Variants in GRIK1 observed in about 807,000 individuals in gnomAD.
The protein encoded by GRIK1 is glutamate ionotropic receptor kainate type subunit 1.
In GRIK1, 69 loss-of-function variants were observed where a neutral mutation model predicts 105.7. The observed-to-expected ratio is 0.65, with a 90% CI of 0.54 to 0.80. The LOEUF is 0.80. Ranked by LOEUF, GRIK1 falls within the 30% of genes least tolerant of loss-of-function variation. The pLI, the probability that GRIK1 is intolerant of heterozygous loss-of-function variation, is 0.00. For missense variants in GRIK1, 1,109 were observed against 1,167.3 expected, an observed-to-expected ratio of 0.95 and a Z score of 0.73; for synonymous variants, 438 against 431.3, an observed-to-expected ratio of 1.02 and a Z score of -0.19.
intron 16 of GRIK1, among the ~76,000 whole-genome samples, chr21:29,539,850 A>G (rs2089940305): frequency 6.6e-6 from 1 of 152,230 alleles, no homozygotes; most frequent in South Asian, 2.1e-4. Flanking sequence ...CCCAAGAAAA[A>G]GAGCTTGCAT....
At chr21:29,766,292 C>G (rs1255096464) in intron 1 of GRIK1, among the ~76,000 whole-genome samples, 2 of 152,054 alleles carry the variant, frequency 1.3e-5, no homozygotes, top group African/African-American at 4.8e-5. Context: ...TGTCTCCACC[C>G]CTAGCTACAT....
chr21:29,830,084 G>A lies in GRIK1; in HGVS notation c.118+109299C>T, dbSNP rs1482021620. The stretch of plus-strand genomic sequence containing the variant: ...ATCTGACACCATATGTTCTAAAATA[G>A]GGTACTTTGCTGGCAATGATTGCAA... On this transcript the variant is annotated intron_variant, in intron 1 of 17. Coordinates refer to ENST00000327783, the MANE Select transcript of GRIK1 (RefSeq NM_001330994.2). Among the ~76,000 whole-genome samples the A allele has an allele frequency of 2.6e-5, 4 of 152,014 alleles. No individual in the cohort carries two copies. The East Asian group carries it at 5.8e-4, about 22-fold the overall frequency.
At chr21:29,698,065 A>ATTCCTCCC (rs2063744790) in intron 1 of GRIK1, among the ~76,000 whole-genome samples, 1 of 130,538 alleles carries the variant, frequency 7.7e-6, no homozygotes, top group South Asian at 2.4e-4. Context: ...CCCTTCCTCC[A>ATTCCTCCC]TTCCTCCCTT....
rs538368781 is a variant in GRIK1, at chr21:29,682,473, AT to A, written c.544+7254del. 2.5e-3 allele frequency among the ~76,000 whole-genome samples: 385 copies of A among 151,962 alleles called. 3 individuals are homozygous for A. The highest frequency in any genetic ancestry group is 8.6e-3 in the African/African-American group (358 of 41,480). On this transcript the variant is annotated intron_variant, in intron 3 of 17. Transcript: ENST00000327783. ...AAGCACCCTGTTTTCTTTTGCTTAC[AT>A]TTTTTTTGGTCTAAATATTTAGCTT...
rs370689744 is a variant in GRIK1, at chr21:29,541,459, G to A, written c.2608-3575C>T. 1.4e-3 allele frequency among the ~76,000 whole-genome samples: 213 copies of A among 151,760 alleles called. 1 individual carries two copies. The highest frequency in any genetic ancestry group is 4.6e-3 in the African/African-American group (188 of 41,316). ...AACTATTATGATAATTCAATGTACT[G>A]TTATATGCAAAACAGTCCAATGGGT... is the stretch of plus-strand genomic sequence containing the variant. On this transcript the variant is annotated intron_variant, in intron 16 of 17. Transcript: ENST00000327783.
intron 9 of GRIK1, among the ~76,000 whole-genome samples, chr21:29,595,346 T>TG (rs1482553924): frequency 1.3e-5 from 2 of 151,664 alleles, no homozygotes; most frequent in African/African-American, 2.4e-5. Context: ...ATAGGTTTTT[T>TG]TTTTTTTTTT....
chr21:29,782,838 C>T (rs1010207136), intron 1 of GRIK1, among the ~76,000 whole-genome samples: 4 of 152,166 alleles, frequency 2.6e-5, no homozygotes, highest in African/African-American at 4.8e-5. Flanking sequence ...GTATTACACA[C>T]GGAGGCTTGG....
chr21:29,737,495 T>C (rs189267568), intron 1 of GRIK1, among the ~76,000 whole-genome samples: 1 of 152,326 alleles, frequency 6.6e-6, no homozygotes, highest in East Asian at 1.9e-4. Context: ...AGGGGCACAT[T>C]CCAGAAGGAG....
chr21:29,924,223 A>C (rs2071280268), intron 1 of GRIK1, among the ~76,000 whole-genome samples: 1 of 151,812 alleles, frequency 6.6e-6, no homozygotes, highest in Non-Finnish European at 1.5e-5. Context: ...CTGTAATCCC[A>C]GCTACTCAGG....
intron 1 of GRIK1, among the ~76,000 whole-genome samples, chr21:29,791,567 G>T (rs575201392): frequency 6.6e-6 from 1 of 152,102 alleles, no homozygotes; most frequent in Non-Finnish European, 1.5e-5. Flanking sequence ...AATAGTCCAC[G>T]CATGATGTTG....
chr21:29,793,238 G>A (rs1316119090), intron 1 of GRIK1, among the ~76,000 whole-genome samples: 7 of 152,150 alleles, frequency 4.6e-5, no homozygotes, highest in Non-Finnish European at 1.0e-4. Context: ...TGAACATGAG[G>A]CTATTGCTTG....
At chr21:29,873,143 G>T (rs1441137226) in intron 1 of GRIK1, among the ~76,000 whole-genome samples, 1 of 152,194 alleles carries the variant, frequency 6.6e-6, no homozygotes, top group Non-Finnish European at 1.5e-5. Context: ...AAGAGCCTTA[G>T]AAATCTCATA....
intron 1 of GRIK1, among the ~76,000 whole-genome samples, chr21:29,799,734 C>T (rs755407139): frequency 6.6e-6 from 1 of 152,028 alleles, no homozygotes; most frequent in African/African-American, 2.4e-5. Flanking sequence ...TTCACTATGT[C>T]GGCTAGGCTG....
At chr21:29,706,264 C>T (rs535761549) in intron 1 of GRIK1, among the ~76,000 whole-genome samples, 1 of 152,208 alleles carries the variant, frequency 6.6e-6, no homozygotes, top group Non-Finnish European at 1.5e-5. Context: ...AAAAATCCAT[C>T]CTTTTAATAA....
chr21:29,656,377 A>AAAAAAAAAAAAAG, intron 4 of GRIK1, among the ~76,000 whole-genome samples: 2 of 102,614 alleles, frequency 1.9e-5, no homozygotes, highest in South Asian at 2.8e-4. Context: ...AAAAAAAAAA[A>AAAAAAAAAAAAAG]AAAAAAAAAA....
intron 1 of GRIK1, among the ~76,000 whole-genome samples, chr21:29,936,978 G>C (rs1387734653): frequency 6.6e-6 from 1 of 152,242 alleles, no homozygotes; most frequent in Admixed American, 6.5e-5. Flanking sequence ...TTTATTGGTT[G>C]GTTGATTGTT....
At chr21:29,662,614 A>G (rs1601400310) in intron 4 of GRIK1, among the ~76,000 whole-genome samples, 1 of 152,116 alleles carries the variant, frequency 6.6e-6, no homozygotes, top group African/African-American at 2.4e-5. Context: ...CTTGAAAGTC[A>G]CCTTTTGAAG....
intron 1 of GRIK1, among the ~76,000 whole-genome samples, chr21:29,722,430 C>A (rs1196047585): frequency 6.6e-6 from 1 of 151,982 alleles, no homozygotes; most frequent in Non-Finnish European, 1.5e-5. Context: ...GTGGTGGGCG[C>A]CTGTAGTCCC....
intron 6 of GRIK1, among the ~76,000 whole-genome samples, chr21:29,645,014 A>G (rs1372380638): frequency 2.6e-5 from 4 of 152,246 alleles, no homozygotes; most frequent in South Asian, 2.1e-4. Context: ...GCCGTTAACC[A>G]TAAAGCTGTG....
Sources: allele counts gnomAD v4.1 joint callset (sites outside exome capture counted in the v4.1 genomes callset), GRCh38; gene constraint gnomAD v4.1.1; transcripts MANE v1.5; gene names NCBI Gene and HGNC (gene_info 2026-07-23, HGNC 2026-07-21).